The following C3orf85 variants were observed in gnomAD, a reference collection of about 807,000 sequenced individuals.
The protein encoded by C3orf85 is chromosome 3 open reading frame 85.
A neutral mutation model predicts 1.7 loss-of-function variants in C3orf85; 1 was observed. That is an observed-to-expected ratio of 0.60 (90% CI 0.21 to 2.86). The LOEUF (loss-of-function observed/expected upper bound fraction) is 2.86. Among genes scored for constraint, C3orf85 ranks in the 30% most tolerant of loss-of-function variants. C3orf85 has a pLI of 0.22. For synonymous variants in C3orf85, 17 were observed against 8.0 expected (o/e 2.13, Z -1.90); for missense variants, 29 against 21.3 (o/e 1.36, Z -0.72).
At chr3:109,139,822 C>T (rs1706724432) in intron 2 of C3orf85, among the ~76,000 whole-genome samples, 1 of 152,192 alleles carries the variant, frequency 6.6e-6, no homozygotes, top group Non-Finnish European at 1.5e-5. Context: ...TGCCTTTGGT[C>T]TGTTTTTCCT....
Position 109,149,903 on chromosome 3 carries a change from T to C in C3orf85, c.*9T>C. On this transcript the variant is annotated 3_prime_UTR_variant, in exon 4 of 4. Coordinates refer to ENST00000622536, the MANE Select transcript of C3orf85 (RefSeq NM_001351622.2). The stretch of plus-strand genomic sequence containing the variant: ...TGTCTACTGCCCAGTAAATATGTTT[T>C]CCTGGTTAAAGCAGGAGGATGAAGA... 2.5e-6 allele frequency: 1 copy of C among 398,310 alleles called. No individual in the cohort carries two copies. Among genetic ancestry groups the C allele is most frequent in the Non-Finnish European group, 4.4e-6 (1 of 225,472 alleles). 24.7% of individuals were successfully genotyped at this position (398,310 alleles called of 1,614,324 possible).
intron 2 of C3orf85, among the ~76,000 whole-genome samples, chr3:109,139,040 A>G (rs1243192458): frequency 6.6e-6 from 1 of 152,170 alleles, no homozygotes; most frequent in African/African-American, 2.4e-5. Context: ...TCTCATGACC[A>G]CTCTGAAAAT....
chr3:109,137,741 C>T (rs1706696536), intron 2 of C3orf85, among the ~76,000 whole-genome samples: 1 of 148,556 alleles, frequency 6.7e-6, no homozygotes, highest in South Asian at 2.1e-4. Context: ...TTGCAATTTG[C>T]TGTTGGGTCA....
intron 2 of C3orf85, among the ~76,000 whole-genome samples, chr3:109,143,604 A>G (rs2107834728): frequency 1.3e-5 from 2 of 152,338 alleles, no homozygotes; most frequent in Middle Eastern, 3.4e-3. Flanking sequence ...CACTAAGCAT[A>G]TTCTCTGTGC....
At chr3:109,148,854 T>C (rs1172764600) in intron 3 of C3orf85, 1 of 152,726 alleles carries the variant, frequency 6.5e-6, no homozygotes, top group Non-Finnish European at 1.5e-5. Context: ...GAATGGATAG[T>C]GGTCGGACTT....
chr3:109,147,509 G>T (rs779663995), intron 2 of C3orf85, among the ~76,000 whole-genome samples: 2 of 152,064 alleles, frequency 1.3e-5, no homozygotes, highest in Non-Finnish European at 2.9e-5. Flanking sequence ...CCTTTGTATT[G>T]GTTCGTTATA....
intron 2 of C3orf85, among the ~76,000 whole-genome samples, chr3:109,138,715 C>A (rs1706706717): frequency 6.6e-6 from 1 of 151,972 alleles, no homozygotes; most frequent in South Asian, 2.1e-4. Context: ...AATGAAAGGC[C>A]TTATCCAAGT....
chr3:109,142,592 T>C (rs1042636995), intron 2 of C3orf85, among the ~76,000 whole-genome samples: 4 of 152,202 alleles, frequency 2.6e-5, no homozygotes, highest in African/African-American at 4.8e-5. Context: ...CTGAATCTCA[T>C]TGCATTTATT....
intron 2 of C3orf85, among the ~76,000 whole-genome samples, chr3:109,138,662 C>G (rs1404767807): frequency 6.6e-6 from 1 of 152,052 alleles, no homozygotes; most frequent in East Asian, 1.9e-4. Flanking sequence ...GGGAGAAGGT[C>G]TCATTTATCT....
At position 109,150,085 on chromosome 3, in the gene C3orf85, C is replaced by G. The variant is rs1706852263; in HGVS notation, c.*191C>G. On this transcript the variant is annotated 3_prime_UTR_variant, in exon 4 of 4. Coordinates refer to ENST00000622536, the MANE Select transcript of C3orf85 (RefSeq NM_001351622.2). ...GTAGGAAACTGGAATAAGACATTCT[C>G]AATAAATGGTAGTTCTCAAAAAAAG... The G allele has an allele frequency of 3.2e-6, 1 of 316,242 alleles. No homozygotes were observed. Among genetic ancestry groups the G allele is most frequent in the African/African-American group, 2.3e-5 (1 of 43,230 alleles). The allele number at this position is 316,242 out of a possible 1,614,324, so 19.6% of individuals were successfully genotyped here.
In C3orf85 at chr3:109,141,890, G is replaced by T. The variant is rs192108763; in HGVS notation, c.49+4994G>T. ...CTAAAAATACAAAAATTAGCCAGGC[G>T]TGGTGGTGCATGCCTGTAATCCCAG... On this transcript the variant is annotated intron_variant, in intron 2 of 3. Coordinates refer to ENST00000622536, the MANE Select transcript of C3orf85 (RefSeq NM_001351622.2). Among the ~76,000 whole-genome samples the T allele has an allele frequency of 5.9e-5, 9 of 152,228 alleles. No individual in the cohort carries two copies. The East Asian group carries it at 1.7e-3, about 29-fold the overall frequency.
intron 2 of C3orf85, among the ~76,000 whole-genome samples, chr3:109,144,932 A>C (rs113388599): frequency 2.0e-5 from 3 of 152,348 alleles, no homozygotes; most frequent in African/African-American, 7.2e-5. Flanking sequence ...ACTGTAACAC[A>C]CACCTTTTCT....
intron 2 of C3orf85, among the ~76,000 whole-genome samples, chr3:109,144,677 T>C (rs1369003145): frequency 6.6e-6 from 1 of 152,236 alleles, no homozygotes; most frequent in Admixed American, 6.5e-5. Flanking sequence ...TCTTAGTGAT[T>C]GTATAATGCA....
At chr3:109,148,630 C>A in intron 3 of C3orf85, 1 of 445,288 alleles carries the variant, frequency 2.2e-6, no homozygotes, top group South Asian at 3.0e-5. Context: ...CGACATTTGT[C>A]TTTCCTTCTC....
intron 3 of C3orf85, chr3:109,149,414 A>G (rs1006275535): frequency 6.8e-6 from 1 of 146,882 alleles, no homozygotes; most frequent in South Asian, 2.1e-4. Context: ...AATAGGCATT[A>G]TTTAGCATTA....
chr3:109,141,599 A>G (rs1334380213), intron 2 of C3orf85, among the ~76,000 whole-genome samples: 1 of 151,704 alleles, frequency 6.6e-6, no homozygotes, highest in Admixed American at 6.6e-5. Flanking sequence ...TTTCTCACCA[A>G]TTTTTATCCA....
chr3:109,150,098 T>C lies in C3orf85; in HGVS notation c.*204T>C, dbSNP rs1290037537. On this transcript the variant is annotated 3_prime_UTR_variant, in exon 4 of 4. Transcript: ENST00000622536. ...ATAAGACATTCTCAATAAATGGTAG[T>C]TCTCAAAAAAAGAACTAAAAAAAAA... The C allele has an allele frequency of 1.8e-5, 6 of 324,384 alleles. No individual in the cohort carries two copies. The highest frequency in any genetic ancestry group is 3.3e-5 in the Non-Finnish European group (6 of 183,254). 20.1% of individuals were successfully genotyped at this position (324,384 alleles called of 1,614,324 possible). A position where few individuals can be genotyped will look rare whatever the true frequency, so the allele number is the denominator to read the frequency against.
intron 2 of C3orf85, among the ~76,000 whole-genome samples, chr3:109,142,315 G>A (rs1292658583): frequency 6.6e-6 from 1 of 152,018 alleles, no homozygotes; most frequent in Non-Finnish European, 1.5e-5. Context: ...TATTTTAAAG[G>A]CAAGGACTGA....
At chr3:109,142,680 C>T (rs1007040468) in intron 2 of C3orf85, among the ~76,000 whole-genome samples, 1 of 151,012 alleles carries the variant, frequency 6.6e-6, no homozygotes, top group Non-Finnish European at 1.5e-5. Context: ...AAGCTCCCAC[C>T]GGAGTGCCCT....
Sources: allele counts gnomAD v4.1 joint callset (sites outside exome capture counted in the v4.1 genomes callset), GRCh38; gene constraint gnomAD v4.1.1; transcripts MANE v1.5; gene names NCBI Gene and HGNC (gene_info 2026-07-23, HGNC 2026-07-21).